The following XRN2 variants were observed in gnomAD, a reference collection of about 807,000 sequenced individuals.
The protein encoded by XRN2 is 5'-3' exoribonuclease 2, also known as DHM1-like protein.
In XRN2, 44 loss-of-function variants were observed where a neutral mutation model predicts 138.5. The ratio of observed to expected loss-of-function variants is 0.32; its 90% CI spans 0.25 to 0.41. The LOEUF (loss-of-function observed/expected upper bound fraction) is 0.41, where lower values mean the gene tolerates loss of function less well. Ranked by LOEUF, XRN2 falls within the 10% of genes least tolerant of loss-of-function variation. The probability of loss-of-function intolerance (pLI) is 1.00; values close to 1 mark genes in which losing one functional copy is unlikely to be tolerated. For synonymous variants in XRN2, 354 were observed against 369.4 expected (o/e 0.96, Z 0.48); for missense variants, 937 against 1,169.3 (o/e 0.80, Z 2.90).
At chr20:21,339,644 C>T (rs2038345678) in intron 14 of XRN2, among the ~76,000 whole-genome samples, 1 of 152,168 alleles carries the variant, frequency 6.6e-6, no homozygotes, top group Non-Finnish European at 1.5e-5. Context: ...TTTGTAACCT[C>T]TGAATGGATT....
At chr20:21,347,093 G>A (rs1568583706) in intron 17 of XRN2, among the ~76,000 whole-genome samples, 1 of 152,172 alleles carries the variant, frequency 6.6e-6, no homozygotes, top group Non-Finnish European at 1.5e-5. Flanking sequence ...GTATTTTCAG[G>A]ATCAAGTAAT....
intron 24 of XRN2, among the ~76,000 whole-genome samples, chr20:21,360,475 A>C (rs1357957845): frequency 6.9e-6 from 1 of 145,370 alleles, no homozygotes; most frequent in Non-Finnish European, 1.5e-5. Context: ...TTTTTTTCTC[A>C]TAGCACCTAG....
chr20:21,304,485 T>G (rs1463076695), intron 1 of XRN2, among the ~76,000 whole-genome samples: 1 of 152,234 alleles, frequency 6.6e-6, no homozygotes, highest in Non-Finnish European at 1.5e-5. Flanking sequence ...TTGTAAAATT[T>G]TAATCGAACT....
At chr20:21,373,358 A>G (rs1329406796) in intron 27 of XRN2, among the ~76,000 whole-genome samples, 1 of 152,182 alleles carries the variant, frequency 6.6e-6, no homozygotes, top group Non-Finnish European at 1.5e-5. Context: ...CTATATCACC[A>G]TTTATTTACT....
chr20:21,384,006 C>T (rs1345606383), intron 28 of XRN2, among the ~76,000 whole-genome samples: 2 of 152,132 alleles, frequency 1.3e-5, no homozygotes, highest in African/African-American at 4.8e-5. Flanking sequence ...GTTTCCACGA[C>T]GCTACTGTTT....
At chr20:21,357,692 G>C in intron 23 of XRN2, 44 bp from the exon 24 acceptor site, 1 of 1,499,162 alleles carries the variant, frequency 6.7e-7, no homozygotes, top group Non-Finnish European at 9.0e-7. Flanking sequence ...TACCTAAAAG[G>C]TTACAGTTTA....
At chr20:21,353,794 T>A (rs201832897) in intron 20 of XRN2, among the ~76,000 whole-genome samples, 7 of 138,954 alleles carry the variant, frequency 5.0e-5, no homozygotes, top group Admixed American at 7.2e-5. Flanking sequence ...GACCCTATCT[T>A]AAAAAAAAAA....
intron 1 of XRN2, among the ~76,000 whole-genome samples, chr20:21,319,890 T>C (rs1488282258): frequency 2.6e-5 from 4 of 152,212 alleles, no homozygotes; most frequent in Non-Finnish European, 4.4e-5. Flanking sequence ...TTCTGCCTTA[T>C]AAGCTCAACA....
intron 27 of XRN2, among the ~76,000 whole-genome samples, chr20:21,378,551 C>T (rs950896245): frequency 2.0e-5 from 3 of 152,074 alleles, no homozygotes; most frequent in African/African-American, 7.2e-5. Context: ...ATTTACCTGA[C>T]AAAATAACCA....
At position 21,348,241 on chromosome 20, in the gene XRN2, G is replaced by C. The variant is rs774702530; in HGVS notation, c.1761G>C (p.Lys587Asn). 1 of 1,613,896 alleles carries C rather than the reference G, an allele frequency of 6.2e-7. No homozygotes were observed. Reference sequence around the variant, plus strand: ...CAGACATGCCATCTGATTTTGAGAAGGGTACGAAACCGGTAAGCTTAATTA... The same window carrying C: ...CAGACATGCCATCTGATTTTGAGAACGGTACGAAACCGGTAAGCTTAATTA... The part of the protein sequence containing the change: ...GIADMPSDFE[K>N]GTKPFKPLEQ... Residue 587 changes from lysine (K) to asparagine (N), a missense_variant, in exon 18 of 30, where the codon AAG becomes AAC. This residue lies in a region of XRN2 where 471 missense variants were observed against 581.2 expected (regional missense o/e 0.81). Transcript: ENST00000377191.
intron 1 of XRN2, among the ~76,000 whole-genome samples, chr20:21,309,966 T>TA (rs1159764954): frequency 6.6e-6 from 1 of 152,190 alleles, no homozygotes; most frequent in Non-Finnish European, 1.5e-5. Flanking sequence ...ATTCTGCTCT[T>TA]ATATGTATTT....
intron 27 of XRN2, among the ~76,000 whole-genome samples, chr20:21,377,264 C>CTTTTTTCTTTT (rs1555788239): frequency 1.2e-5 from 1 of 82,782 alleles, no homozygotes; most frequent in African/African-American, 5.4e-5. Flanking sequence ...TCGGTTTTTT[C>CTTTTTTCTTTT]TTTTTTTTTT....
chr20:21,369,720 GT>G (rs2038741097), intron 27 of XRN2, among the ~76,000 whole-genome samples: 1 of 152,090 alleles, frequency 6.6e-6, no homozygotes, highest in Admixed American at 6.6e-5. Flanking sequence ...AGATTATTAG[GT>G]TTTTTTCCTA....
chr20:21,382,809 C>A (rs2038899934), intron 28 of XRN2, among the ~76,000 whole-genome samples: 1 of 152,200 alleles, frequency 6.6e-6, no homozygotes, highest in African/African-American at 2.4e-5. Flanking sequence ...TAATTAACAT[C>A]TGTAGAATAA....
intron 20 of XRN2, among the ~76,000 whole-genome samples, chr20:21,350,391 TGGC>T (rs1245315531): frequency 1.3e-5 from 2 of 151,704 alleles, no homozygotes; most frequent in African/African-American, 2.4e-5. Flanking sequence ...CCTGGTGTGG[TGGC>T]GGGCGCCTGT....
At chr20:21,344,273 C>A in intron 16 of XRN2, 65 bp downstream of exon 16, 3 of 1,254,452 alleles carry the variant, frequency 2.4e-6, no homozygotes, top group Admixed American at 1.7e-5. Context: ...CTAATTAATG[C>A]TATTTAGCTT....
At chr20:21,369,944 C>T (rs2038743290) in intron 27 of XRN2, among the ~76,000 whole-genome samples, 1 of 152,090 alleles carries the variant, frequency 6.6e-6, no homozygotes, top group South Asian at 2.1e-4. Flanking sequence ...AATGTTTGCC[C>T]AAACCAATAT....
intron 13 of XRN2, among the ~76,000 whole-genome samples, chr20:21,334,397 A>G (rs2122219734): frequency 6.6e-6 from 1 of 152,312 alleles, no homozygotes; most frequent in East Asian, 1.9e-4. Context: ...TTTGAGTTGC[A>G]TTGTAATGTT....
At chr20:21,304,953 CTG>C (rs1323699538) in intron 1 of XRN2, among the ~76,000 whole-genome samples, 1 of 152,158 alleles carries the variant, frequency 6.6e-6, no homozygotes, top group East Asian at 1.9e-4. Context: ...ACTATTGACA[CTG>C]TGTAGATTCA....
Sources: allele counts gnomAD v4.1 joint callset (sites outside exome capture counted in the v4.1 genomes callset), GRCh38; gene constraint gnomAD v4.1.1; regional missense constraint gnomAD v4.1.1; transcripts MANE v1.5; gene names NCBI Gene and HGNC (gene_info 2026-07-23, HGNC 2026-07-21).